The following PRKG1 variants were observed in gnomAD, a reference collection of about 807,000 sequenced individuals.
PRKG1 encodes the protein protein kinase cGMP-dependent 1.
A neutral mutation model predicts 88.1 loss-of-function variants in PRKG1; 35 were observed. The ratio of observed to expected loss-of-function variants is 0.40; its 90% CI spans 0.30 to 0.53. The LOEUF is 0.53. PRKG1 is among the 20% of genes least tolerant of loss of function. The pLI, the probability that PRKG1 is intolerant of heterozygous loss-of-function variation, is 0.59. For synonymous variants in PRKG1, 303 were observed against 292.5 expected (o/e 1.04, Z -0.37); for missense variants, 540 against 839.8 (o/e 0.64, Z 4.41).
intron 17 of PRKG1, among the ~76,000 whole-genome samples, chr10:52,291,671 G>C (rs1355736585): frequency 6.6e-6 from 1 of 152,028 alleles, no homozygotes; most frequent in East Asian, 1.9e-4. Context: ...ATTTGGGTTA[G>C]TTCCAAGTCT....
At chr10:51,113,725 A>AT (rs1281055589) in intron 1 of PRKG1, among the ~76,000 whole-genome samples, 9 of 45,850 alleles carry the variant, frequency 2.0e-4, no homozygotes, top group African/African-American at 6.2e-4. Flanking sequence ...TGAGCATTCT[A>AT]TTTAAAAAAA....
chr10:51,624,118 A>T (rs934020093), intron 3 of PRKG1, among the ~76,000 whole-genome samples: 1 of 152,182 alleles, frequency 6.6e-6, no homozygotes, highest in African/African-American at 2.4e-5. Context: ...TTTGATTCAT[A>T]TGTTAGAGAA....
At chr10:51,605,933 A>G (rs1037464814) in intron 3 of PRKG1, among the ~76,000 whole-genome samples, 3 of 152,232 alleles carry the variant, frequency 2.0e-5, no homozygotes, top group African/African-American at 7.2e-5. Flanking sequence ...CATCTTTAAA[A>G]TGTGAATAAT....
intron 5 of PRKG1, among the ~76,000 whole-genome samples, chr10:51,940,458 A>T (rs1035016275): frequency 2.0e-5 from 3 of 151,942 alleles, no homozygotes; most frequent in Non-Finnish European, 4.4e-5. Context: ...ATGTGAATAT[A>T]GGGCTGGGTC....
intron 1 of PRKG1, among the ~76,000 whole-genome samples, chr10:51,080,483 T>C (rs1844079872): frequency 6.6e-6 from 1 of 152,162 alleles, no homozygotes. Context: ...CATGGTATCC[T>C]AGCAACCATA....
intron 10 of PRKG1, among the ~76,000 whole-genome samples, chr10:52,270,953 T>A (rs956333217): frequency 1.3e-5 from 2 of 152,026 alleles, no homozygotes; most frequent in African/African-American, 4.8e-5. Flanking sequence ...TAAAGGCCCA[T>A]ATAACCCTAT....
At chr10:51,724,547 T>G (rs1222636194) in intron 3 of PRKG1, among the ~76,000 whole-genome samples, 2 of 152,248 alleles carry the variant, frequency 1.3e-5, no homozygotes, top group Non-Finnish European at 2.9e-5. Context: ...AATTTTTGAA[T>G]AATGATGATT....
chr10:51,682,178 G>C (rs558066899), intron 3 of PRKG1, among the ~76,000 whole-genome samples: 28 of 152,198 alleles, frequency 1.8e-4, no homozygotes, highest in Non-Finnish European at 3.1e-4. Context: ...GGGTCAAACA[G>C]AGTCAGCTGT....
At chr10:52,261,690 T>G (rs1003719437) in intron 10 of PRKG1, among the ~76,000 whole-genome samples, 9 of 152,116 alleles carry the variant, frequency 5.9e-5, no homozygotes, top group African/African-American at 1.9e-4. Flanking sequence ...ATTCTTAAAT[T>G]TCAGACATTG....
At chr10:51,712,043 A>G (rs976080591) in intron 3 of PRKG1, among the ~76,000 whole-genome samples, 1 of 152,224 alleles carries the variant, frequency 6.6e-6, no homozygotes, top group African/African-American at 2.4e-5. Flanking sequence ...TAAGTTTTAT[A>G]TGATACAGGA....
chr10:52,100,667 T>C (rs1340075667), intron 7 of PRKG1, among the ~76,000 whole-genome samples: 4 of 152,206 alleles, frequency 2.6e-5, no homozygotes, highest in Non-Finnish European at 5.9e-5. Context: ...CTACTCACTT[T>C]ATGTGAAATT....
chr10:51,045,548 A>C (rs1206390699), intron 1 of PRKG1, among the ~76,000 whole-genome samples: 1 of 152,068 alleles, frequency 6.6e-6, no homozygotes, highest in Non-Finnish European at 1.5e-5. Context: ...CTGGTCTCGA[A>C]CTCTTGACCT....
intron 1 of PRKG1, among the ~76,000 whole-genome samples, chr10:50,992,830 A>G (rs1399121232): frequency 6.6e-6 from 1 of 152,128 alleles, no homozygotes; most frequent in Non-Finnish European, 1.5e-5. Context: ...CTGGAAGTGC[A>G]GGGCCGAAAA....
chr10:52,172,335 C>T (rs1838723081), intron 9 of PRKG1, among the ~76,000 whole-genome samples: 1 of 152,128 alleles, frequency 6.6e-6, no homozygotes, highest in African/African-American at 2.4e-5. Context: ...TTTCCTTCTT[C>T]CAAGAAATAA....
At chr10:51,429,775 C>A in intron 2 of PRKG1, among the ~76,000 whole-genome samples, 1 of 148,424 alleles carries the variant, frequency 6.7e-6, no homozygotes, top group African/African-American at 2.5e-5. Flanking sequence ...TCCTGAAAAA[C>A]AGAAGAAGAA....
intron 3 of PRKG1, among the ~76,000 whole-genome samples, chr10:51,556,202 G>A (rs1302317317): frequency 6.6e-6 from 1 of 151,880 alleles, no homozygotes. Flanking sequence ...ACATGAATAA[G>A]TTTGGTTTAT....
At chr10:52,175,588 A>G (rs1039118530) in intron 9 of PRKG1, among the ~76,000 whole-genome samples, 10 of 151,784 alleles carry the variant, frequency 6.6e-5, no homozygotes, top group African/African-American at 2.4e-4. Flanking sequence ...TCCATAGTGG[A>G]TATTCTAGTT....
At chr10:51,841,194 A>ATC (rs893003284) in intron 4 of PRKG1, among the ~76,000 whole-genome samples, 1 of 152,076 alleles carries the variant, frequency 6.6e-6, no homozygotes, top group Non-Finnish European at 1.5e-5. Context: ...CTCTGTCTCA[A>ATC]TCTCTCTCTC....
chr10:51,609,130 G>A (rs1245217927), intron 3 of PRKG1, among the ~76,000 whole-genome samples: 1 of 151,586 alleles, frequency 6.6e-6, no homozygotes, highest in Non-Finnish European at 1.5e-5. Context: ...GGGTACATGT[G>A]CACAATGTGC....
Sources: gnomAD v4.1 joint callset for allele counts (sites outside exome capture counted in the v4.1 genomes callset) on GRCh38, gnomAD v4.1.1 for gene constraint, MANE v1.5 for transcripts, NCBI Gene and HGNC (gene_info 2026-07-23, HGNC 2026-07-21) for gene names.